Variants in SLC14A2 observed in about 807,000 individuals in gnomAD.
SLC14A2 encodes the protein solute carrier family 14 member 2, also known as urea transporter 2.
In SLC14A2, 91 loss-of-function variants were observed where a neutral mutation model predicts 104.6. That is an observed-to-expected ratio of 0.87 (90% CI 0.73 to 1.04). The LOEUF (loss-of-function observed/expected upper bound fraction) is 1.04. Among genes scored for constraint, SLC14A2 ranks in the 50% least tolerant of loss-of-function variants. The pLI, the probability that SLC14A2 is intolerant of heterozygous loss-of-function variation, is 0.00. For missense variants in SLC14A2, 1,189 were observed against 1,156.0 expected, an observed-to-expected ratio of 1.03 and a Z score of -0.41; for synonymous variants, 476 against 466.4, an observed-to-expected ratio of 1.02 and a Z score of -0.27.
chr18:45,285,672 C>CTG (rs1555672111), intron 1 of SLC14A2, among the ~76,000 whole-genome samples: 2 of 143,172 alleles, frequency 1.4e-5, no homozygotes, highest in Admixed American at 6.9e-5. Context: ...CCCCCCCCCC[C>CTG]CCTCGGCCTC....
the SLC14A2 span, among the ~76,000 whole-genome samples, chr18:45,176,346 G>C: frequency 6.6e-6 from 1 of 152,040 alleles, no homozygotes; most frequent in Non-Finnish European, 1.5e-5. Context: ...AACAGAAGAG[G>C]GATTTGAACC....
chr18:45,406,826 C>A lies in SLC14A2; in HGVS notation c.-124-76407C>A, dbSNP rs564110449. Among the ~76,000 whole-genome samples, 200 of 149,996 alleles carry A rather than the reference C, an allele frequency of 1.3e-3. 3 individuals are homozygous for A. Among genetic ancestry groups the A allele is most frequent in the South Asian group, 5.9e-3 (28 of 4,738 alleles). On this transcript the variant is annotated intron_variant, in intron 1 of 20. Coordinates refer to the SLC14A2 transcript ENST00000586448. ...TAAGCAATAATATTTTGAAAGTAAT[C>A]TTTTTTTTTTCTGAGCAGTAAGTCT...
At chr18:45,594,099 A>G (rs1053846068) in intron 2 of SLC14A2, among the ~76,000 whole-genome samples, 17 of 152,252 alleles carry the variant, frequency 1.1e-4, no homozygotes, top group Non-Finnish European at 1.9e-4. Flanking sequence ...AGGACCTTGA[A>G]TACTAGAGCA....
At chr18:45,259,044 C>T (rs532043008) in intron 1 of SLC14A2, among the ~76,000 whole-genome samples, 27 of 152,206 alleles carry the variant, frequency 1.8e-4, no homozygotes, top group Admixed American at 5.2e-4. Context: ...TTTCCCTGAG[C>T]TCTGGAGCTA....
chr18:45,667,709 C>A, intron 13 of SLC14A2, 124 bp from the exon 14 acceptor site: 1 of 717,312 alleles, frequency 1.4e-6, no homozygotes, highest in Non-Finnish European at 2.5e-6. Flanking sequence ...TGGCAGGTGA[C>A]AGCAGGTGGC....
At chr18:45,613,032 G>GT (rs71177681), upstream of SLC14A2, among the ~76,000 whole-genome samples, 6 of 151,642 alleles carry the variant, frequency 4.0e-5, no homozygotes, top group Admixed American at 6.6e-5. Flanking sequence ...GTCTTTGGCA[G>GT]TTTTTTTTTG....
At chr18:45,433,404 T>C (rs974724250) in intron 1 of SLC14A2, among the ~76,000 whole-genome samples, 1 of 152,214 alleles carries the variant, frequency 6.6e-6, no homozygotes, top group African/African-American at 2.4e-5. Context: ...TCTTCTATGA[T>C]GGATATAAAA....
intron 1 of SLC14A2, among the ~76,000 whole-genome samples, chr18:45,341,111 A>T (rs559988805): frequency 6.6e-6 from 1 of 152,298 alleles, no homozygotes; most frequent in South Asian, 2.1e-4. Context: ...ACTGACCAAG[A>T]TTGTGGTTTA....
intron 1 of SLC14A2, among the ~76,000 whole-genome samples, chr18:45,294,245 A>G (rs972503900): frequency 1.3e-5 from 2 of 152,198 alleles, no homozygotes; most frequent in Non-Finnish European, 2.9e-5. Context: ...AGAGTGATTA[A>G]GCAAGTATTA....
intron 2 of SLC14A2, among the ~76,000 whole-genome samples, chr18:45,491,756 G>A (rs1272388229): frequency 1.3e-5 from 2 of 152,128 alleles, no homozygotes. Context: ...CTTGGCTGTG[G>A]ATGTCTGCTC....
chr18:45,230,877 A>C lies in SLC14A2; in HGVS notation c.-125+17686A>C, dbSNP rs375311299. ...CGTAGTTTCTTAGTATTATTTGTAC[A>C]AATTATTGGAATGAATAATTATGCT... On this transcript the variant is annotated intron_variant, in intron 1 of 20. Coordinates refer to the SLC14A2 transcript ENST00000586448. Among the ~76,000 whole-genome samples, 7 of 152,324 alleles carry C rather than the reference A, an allele frequency of 4.6e-5. No homozygotes were observed. The East Asian group carries it at 1.4e-3, about 29-fold the overall frequency.
chr18:45,245,550 C>G (rs926983741), intron 1 of SLC14A2, among the ~76,000 whole-genome samples: 21 of 152,188 alleles, frequency 1.4e-4, no homozygotes, highest in African/African-American at 5.1e-4. Flanking sequence ...TTAGAAAGCT[C>G]TCTGAGCATC....
chr18:45,168,089 C>A, the SLC14A2 span, among the ~76,000 whole-genome samples: 1 of 152,148 alleles, frequency 6.6e-6, no homozygotes, highest in African/African-American at 2.4e-5. Context: ...TTGATGTTGC[C>A]CTGAATCTAC....
chr18:45,236,572 TATATAC>T (rs1346569734), intron 1 of SLC14A2, among the ~76,000 whole-genome samples: 1 of 129,694 alleles, frequency 7.7e-6, no homozygotes, highest in East Asian at 2.1e-4. Flanking sequence ...TATATATGTA[TATATAC>T]ATATATATAT....
intron 1 of SLC14A2, among the ~76,000 whole-genome samples, chr18:45,464,731 AC>A (rs2087108762): frequency 6.6e-6 from 1 of 152,068 alleles, no homozygotes; most frequent in African/African-American, 2.4e-5. Context: ...AGTGCGTGTG[AC>A]CTTTGCAGGT....
chr18:45,171,910 G>A, the SLC14A2 span, among the ~76,000 whole-genome samples: 11 of 152,160 alleles, frequency 7.2e-5, no homozygotes, highest in East Asian at 3.9e-4. Context: ...AACTTCTTTC[G>A]TTAGCCCTCG....
intron 2 of SLC14A2, among the ~76,000 whole-genome samples, chr18:45,603,891 C>T (rs1371529493): frequency 6.6e-6 from 1 of 152,210 alleles, no homozygotes; most frequent in African/African-American, 2.4e-5. Context: ...GTCTAAGAGT[C>T]AGAAGACATG....
chr18:45,468,904 G>T (rs1002716838), intron 1 of SLC14A2, among the ~76,000 whole-genome samples: 2 of 152,228 alleles, frequency 1.3e-5, no homozygotes, highest in Admixed American at 6.5e-5. Context: ...AATCCCTGAG[G>T]TGTCAAGTGT....
intron 2 of SLC14A2, among the ~76,000 whole-genome samples, chr18:45,484,775 G>C (rs2087566949): frequency 6.7e-6 from 1 of 148,786 alleles, no homozygotes; most frequent in African/African-American, 2.4e-5. Flanking sequence ...TTGACTGGTT[G>C]GTTGGTTTTT....
Sources: allele counts gnomAD v4.1 joint callset (sites outside exome capture counted in the v4.1 genomes callset), GRCh38; gene constraint gnomAD v4.1.1; transcripts MANE v1.5; gene names NCBI Gene and HGNC (gene_info 2026-07-23, HGNC 2026-07-21).